Variants in RPN2 observed in about 807,000 individuals in gnomAD.
RPN2 encodes the protein ribophorin II.
A neutral mutation model predicts 71.4 loss-of-function variants in RPN2; 29 were observed. That is an observed-to-expected ratio of 0.41 (90% CI 0.30 to 0.55). The LOEUF is 0.55. Among genes scored for constraint, RPN2 ranks in the 20% least tolerant of loss-of-function variants. The probability of loss-of-function intolerance (pLI) is 0.35; values close to 1 mark genes in which losing one functional copy is unlikely to be tolerated. For missense variants in RPN2, 726 were observed against 774.1 expected (o/e 0.94, Z 0.74); for synonymous variants, 308 against 305.0 (o/e 1.01, Z -0.10).
chr20:37,213,510 G>A (rs2067726929), intron 8 of RPN2, among the ~76,000 whole-genome samples: 1 of 152,034 alleles, frequency 6.6e-6, no homozygotes, highest in African/African-American at 2.4e-5. Flanking sequence ...GATCAGTTGA[G>A]CCTACGAGTT....
rs532568576 is a variant in RPN2 at position 37,185,354 on chromosome 20, C to A, written c.207+981C>A. Among the ~76,000 whole-genome samples the A allele has an allele frequency of 2.1e-4, 32 of 151,594 alleles. 1 individual carries two copies. In the South Asian group the frequency reaches 6.7e-3, roughly 32 times the overall value. On this transcript the variant is annotated intron_variant, in intron 2 of 16. Transcript: ENST00000237530. ...GTTTTGCCATGTTGCCCAGGCTGGT[C>A]TTAAACTCCTGGGCTCAAGTGATCC...
Position 37,199,069 on chromosome 20 carries a change from C to T in RPN2, c.323C>T (p.Thr108Ile). The T allele has an allele frequency of 6.2e-7, 1 of 1,613,266 alleles. No homozygotes were observed. The highest frequency in any genetic ancestry group is 8.5e-7 in the Non-Finnish European group (1 of 1,179,214). Residue 108 changes from threonine to isoleucine, a missense_variant, in exon 4 of 17, where the codon ACC (threonine) becomes ATC (isoleucine). Transcript: ENST00000237530. Reference sequence around the variant, plus strand: ...TCTTAGATCTCTATTTCAAATGAGACCAAAGATCTGCTTCTGGCAGCTGTC... The same window carrying T: ...TCTTAGATCTCTATTTCAAATGAGATCAAAGATCTGCTTCTGGCAGCTGTC... ...SGCEISISNE[T>I]KDLLLAAVSE...
intron 16 of RPN2, among the ~76,000 whole-genome samples, chr20:37,239,840 C>G (rs1169184799): frequency 6.6e-6 from 1 of 152,170 alleles, no homozygotes; most frequent in African/African-American, 2.4e-5. Flanking sequence ...GTCACTCTGT[C>G]TGAGATTTGC....
At chr20:37,223,643 T>G (rs533569772) in intron 9 of RPN2, among the ~76,000 whole-genome samples, 21 of 151,820 alleles carry the variant, frequency 1.4e-4, no homozygotes, top group Non-Finnish European at 2.5e-4. Flanking sequence ...TTCTTTTTTT[T>G]TTTTTGATGT....
Position 37,187,254 on chromosome 20 carries a change from G to A in RPN2, c.207+2881G>A, listed in dbSNP as rs1201166432. On this transcript the variant is annotated intron_variant, in intron 2 of 16. Transcript: ENST00000237530. Reference sequence around the variant, plus strand: ...GCGGTGGCTCAAGCCTGTAATCCCAGCACTTTGGGAGGCCGAGGCGGGCGG... The same window carrying A: ...GCGGTGGCTCAAGCCTGTAATCCCAACACTTTGGGAGGCCGAGGCGGGCGG... Among the ~76,000 whole-genome samples, 2 of 9,202 alleles carry A rather than the reference G, an allele frequency of 2.2e-4. 1 individual carries two copies. The highest frequency in any genetic ancestry group is 1.5e-3 in the East Asian group (2 of 1,350). 6.0% of individuals were successfully genotyped at this position (9,202 alleles called of 152,430 possible). A position where few individuals can be genotyped will look rare whatever the true frequency, so the allele number is the denominator to read the frequency against.
At chr20:37,190,736 C>T (rs1429018688) in intron 2 of RPN2, among the ~76,000 whole-genome samples, 2 of 152,122 alleles carry the variant, frequency 1.3e-5, no homozygotes, top group Non-Finnish European at 2.9e-5. Context: ...AATGGGAGCT[C>T]TCTAAATGTG....
chr20:37,199,001 A>T, intron 3 of RPN2, 49 bp from the exon 4 acceptor site: 1 of 1,507,006 alleles, frequency 6.6e-7, no homozygotes. Context: ...GCCTGCCACA[A>T]ATTGCCAAGA....
chr20:37,241,100 T>G (rs2068537574), intron 16 of RPN2, among the ~76,000 whole-genome samples: 1 of 152,254 alleles, frequency 6.6e-6, no homozygotes, highest in Admixed American at 6.5e-5. Flanking sequence ...GTCATCAGCT[T>G]AATTATGAAC....
intron 2 of RPN2, among the ~76,000 whole-genome samples, chr20:37,190,725 A>G (rs2067121190): frequency 6.6e-6 from 1 of 152,218 alleles, no homozygotes; most frequent in Non-Finnish European, 1.5e-5. Context: ...AGCTCAATCA[A>G]AATGGGAGCT....
chr20:37,201,217 G>A (rs1226181817), intron 4 of RPN2, among the ~76,000 whole-genome samples: 1 of 151,174 alleles, frequency 6.6e-6, no homozygotes, highest in Non-Finnish European at 1.5e-5. Context: ...CTAACAAACA[G>A]GTCCCCCTTC....
chr20:37,185,380 A>G (rs1035024269), intron 2 of RPN2, among the ~76,000 whole-genome samples: 3 of 148,152 alleles, frequency 2.0e-5, no homozygotes, highest in Admixed American at 6.7e-5. Flanking sequence ...CAAGTGATCC[A>G]CCTGCCTCAG....
At chr20:37,209,939 G>A in intron 7 of RPN2, 108 bp from the exon 8 acceptor site, 1 of 1,553,062 alleles carries the variant, frequency 6.4e-7, no homozygotes, top group Non-Finnish European at 8.7e-7. Flanking sequence ...CGAAGCAGGG[G>A]ATTTGCTCTC....
rs903998239 is a variant in RPN2, at chr20:37,189,900, C to T, written c.207+5527C>T. Among the ~76,000 whole-genome samples the T allele has an allele frequency of 1.1e-4, 16 of 152,300 alleles. No individual in the cohort carries two copies. In the East Asian group the frequency reaches 2.9e-3, roughly 28 times the overall value. ...CAATGCCTGGCACAGACACTGTATT[C>T]GCAGTGCCTTTTGTAGTGATGCTTC... On this transcript the variant is annotated intron_variant, in intron 2 of 16. Coordinates refer to ENST00000237530, the MANE Select transcript of RPN2 (RefSeq NM_002951.5).
At chr20:37,207,194 G>A in intron 6 of RPN2, 79 bp from the exon 7 acceptor site, 1 of 1,159,850 alleles carries the variant, frequency 8.6e-7, no homozygotes, top group Admixed American at 1.7e-5. Flanking sequence ...ACAGATAAGG[G>A]TGACTTTCCT....
intron 4 of RPN2, among the ~76,000 whole-genome samples, chr20:37,200,773 T>C (rs1054160405): frequency 6.6e-6 from 1 of 152,162 alleles, no homozygotes; most frequent in Non-Finnish European, 1.5e-5. Context: ...TATTTTGATA[T>C]CTGCTTTTAA....
At chr20:37,225,984 C>A (rs1434628859) in intron 11 of RPN2, among the ~76,000 whole-genome samples, 182 bp downstream of exon 11, 1 of 152,168 alleles carries the variant, frequency 6.6e-6, no homozygotes, top group Non-Finnish European at 1.5e-5. Flanking sequence ...GGTTGTAGTC[C>A]TTTACCTGGG....
At chr20:37,202,175 G>A (rs772706569) in intron 4 of RPN2, among the ~76,000 whole-genome samples, 19 of 152,178 alleles carry the variant, frequency 1.2e-4, no homozygotes, top group Non-Finnish European at 2.4e-4. Flanking sequence ...TTCTTTCTAG[G>A]CTATCTTAAC....
chr20:37,240,911 TGG>T (rs1423110469), intron 16 of RPN2, among the ~76,000 whole-genome samples: 1 of 152,226 alleles, frequency 6.6e-6, no homozygotes, highest in Non-Finnish European at 1.5e-5. Flanking sequence ...AGCTGGAGTC[TGG>T]GAGATTGATG....
rs1337212402 is a variant in RPN2, at chr20:37,213,939, TTGTC to T, written c.1092+77_1092+80del. The T allele has an allele frequency of 4.5e-6, 5 of 1,100,188 alleles. No homozygotes were observed. The Admixed American group carries it at 8.6e-5, about 19-fold the overall frequency. The allele number at this position is 1,100,188 out of a possible 1,614,324, so 68.2% of individuals were successfully genotyped here. On this transcript the variant is annotated intron_variant, in intron 9 of 16. Transcript: ENST00000237530. ...TATGGCCAAATTGACACAGTATTAATTGTCTGGTGCATTGACTTTTCTCTACAAC... is the reference window on the plus strand; with the variant it reads ...TATGGCCAAATTGACACAGTATTAATTGGTGCATTGACTTTTCTCTACAAC...
Sources: allele counts gnomAD v4.1 joint callset (sites outside exome capture counted in the v4.1 genomes callset), GRCh38; gene constraint gnomAD v4.1.1; transcripts MANE v1.5; gene names NCBI Gene and HGNC (gene_info 2026-07-23, HGNC 2026-07-21).